Variants in SV2C observed in about 807,000 individuals in gnomAD.
SV2C encodes the protein synaptic vesicle glycoprotein 2C, also known as solute carrier family 22 member B3.
SV2C carries 49 observed loss-of-function variants against 79.7 expected under a neutral mutation model. That is an observed-to-expected ratio of 0.61 (90% confidence interval 0.49 to 0.78). The LOEUF is 0.78. Among genes scored for constraint, SV2C ranks in the 30% least tolerant of loss-of-function variants. The probability of loss-of-function intolerance (pLI) is 0.00; values close to 1 mark genes in which losing one functional copy is unlikely to be tolerated. For synonymous variants in SV2C, 334 were observed against 333.2 expected, an observed-to-expected ratio of 1.00 and a Z score of -0.03; for missense variants, 833 against 912.9, an observed-to-expected ratio of 0.91 and a Z score of 1.13.
At chr5:75,919,075 T>G in the SV2C span, among the ~76,000 whole-genome samples, 6 of 152,216 alleles carry the variant, frequency 3.9e-5, no homozygotes, top group Non-Finnish European at 8.8e-5. Flanking sequence ...TCTCCAAAGT[T>G]GTTGAATGGA....
the SV2C span, among the ~76,000 whole-genome samples, chr5:76,033,564 T>G: frequency 3.5e-4 from 53 of 152,206 alleles, no homozygotes; most frequent in South Asian, 8.3e-4. Flanking sequence ...TTGTAGATAT[T>G]CAGCGTTATT....
the SV2C span, among the ~76,000 whole-genome samples, chr5:75,906,318 CT>C: frequency 6.6e-6 from 1 of 152,164 alleles, no homozygotes; most frequent in Admixed American, 6.5e-5. Context: ...AGGAAATTTT[CT>C]TACCTCCTTT....
At chr5:75,861,931 A>G in the SV2C span, among the ~76,000 whole-genome samples, 1 of 152,200 alleles carries the variant, frequency 6.6e-6, no homozygotes, top group African/African-American at 2.4e-5. Context: ...CAATATACCT[A>G]TGTAACAAAC....
At chr5:75,879,050 T>G in the SV2C span, among the ~76,000 whole-genome samples, 2,019 of 152,250 alleles carry the variant, frequency 0.013, 39 homozygotes, top group African/African-American at 0.045. Flanking sequence ...AGATCTCATG[T>G]GAACTCAGAA....
intron 12 of SV2C, among the ~76,000 whole-genome samples, chr5:76,305,533 G>A (rs1748158706): frequency 6.6e-6 from 1 of 152,074 alleles, no homozygotes; most frequent in African/African-American, 2.4e-5. Context: ...TGCTAAATCT[G>A]CATAGTCCAG....
the SV2C span, among the ~76,000 whole-genome samples, chr5:75,890,325 C>T: frequency 2.0e-5 from 3 of 152,036 alleles, no homozygotes; most frequent in Non-Finnish European, 2.9e-5. Flanking sequence ...CTTTATTATA[C>T]ATAGAATACA....
intron 12 of SV2C, among the ~76,000 whole-genome samples, chr5:76,340,312 C>T (rs1261836512): frequency 1.3e-5 from 2 of 152,256 alleles, no homozygotes; most frequent in Non-Finnish European, 2.9e-5. Context: ...AGCTGCTGCT[C>T]TTCCTATGGA....
At chr5:76,295,332 C>T (rs1031252598) in intron 8 of SV2C, among the ~76,000 whole-genome samples, 4 of 152,110 alleles carry the variant, frequency 2.6e-5, no homozygotes, top group African/African-American at 9.7e-5. Context: ...AGGCAGCACC[C>T]TCGCACCTCT....
the SV2C span, among the ~76,000 whole-genome samples, chr5:75,925,757 CAAAA>C: frequency 2.7e-5 from 4 of 150,776 alleles, no homozygotes; most frequent in African/African-American, 7.3e-5. Context: ...TTTTAAAAAA[CAAAA>C]AAAAGCACAA....
intron 1 of SV2C, among the ~76,000 whole-genome samples, chr5:76,126,469 A>G (rs953449600): frequency 1.3e-5 from 2 of 152,054 alleles, no homozygotes; most frequent in African/African-American, 4.8e-5. Context: ...CTTCTTGGAA[A>G]GCTCCCCTCT....
the SV2C span, among the ~76,000 whole-genome samples, chr5:75,870,564 C>G: frequency 6.6e-6 from 1 of 151,774 alleles, no homozygotes; most frequent in African/African-American, 2.4e-5. Context: ...CTTAAAGAGG[C>G]AGTAGAAAAA....
chr5:76,346,594 T>C (rs1284478959), intron 12 of SV2C, among the ~76,000 whole-genome samples: 1 of 152,244 alleles, frequency 6.6e-6, no homozygotes, highest in Non-Finnish European at 1.5e-5. Flanking sequence ...TACTTTATGT[T>C]ATTTCATTTT....
At chr5:75,913,108 G>A in the SV2C span, among the ~76,000 whole-genome samples, 2 of 152,176 alleles carry the variant, frequency 1.3e-5, no homozygotes, top group Non-Finnish European at 2.9e-5. Context: ...GGGATAAGGA[G>A]TCAGAGGCTT....
intron 2 of SV2C, among the ~76,000 whole-genome samples, chr5:76,179,654 C>T (rs910318057): frequency 2.0e-5 from 3 of 152,194 alleles, no homozygotes; most frequent in African/African-American, 7.2e-5. Flanking sequence ...TGCTTCATCA[C>T]TAATGACAAA....
chr5:75,992,034 C>T, the SV2C span, among the ~76,000 whole-genome samples: 1 of 151,890 alleles, frequency 6.6e-6, no homozygotes, highest in Non-Finnish European at 1.5e-5. Context: ...TCAAGTCCCT[C>T]TTTCCCTGGG....
At chr5:76,097,660 T>C (rs1747608661) in intron 1 of SV2C, among the ~76,000 whole-genome samples, 1 of 152,238 alleles carries the variant, frequency 6.6e-6, no homozygotes, top group Non-Finnish European at 1.5e-5. Flanking sequence ...GAATATTATT[T>C]AATAAGGCAT....
intron 1 of SV2C, among the ~76,000 whole-genome samples, chr5:76,129,030 G>GC (rs1198738877): frequency 3.3e-5 from 5 of 152,198 alleles, no homozygotes; most frequent in Admixed American, 1.3e-4. Flanking sequence ...TTATAACTCT[G>GC]CCCCTGAACA....
chr5:76,114,409 C>G (rs1444927694), intron 1 of SV2C, among the ~76,000 whole-genome samples: 2 of 152,178 alleles, frequency 1.3e-5, no homozygotes, highest in Non-Finnish European at 2.9e-5. Flanking sequence ...GAAACTACAA[C>G]ATTTCTAGCC....
chr5:76,091,347 T>G (rs1049061683), intron 1 of SV2C, among the ~76,000 whole-genome samples: 2 of 152,206 alleles, frequency 1.3e-5, no homozygotes, highest in Non-Finnish European at 2.9e-5. Flanking sequence ...CCCGCCTGCT[T>G]CAAAGATTCC....
Sources: allele counts gnomAD v4.1 joint callset (sites outside exome capture counted in the v4.1 genomes callset), GRCh38; gene constraint gnomAD v4.1.1; transcripts MANE v1.5; gene names NCBI Gene and HGNC (gene_info 2026-07-23, HGNC 2026-07-21).